The following ZNF804B variants were observed in gnomAD, a reference collection of about 807,000 sequenced individuals.
The protein encoded by ZNF804B is zinc finger 804B.
ZNF804B carries 80 observed loss-of-function variants against 101.4 expected under a neutral mutation model. That is an observed-to-expected ratio of 0.79 (90% CI 0.66 to 0.95). The LOEUF (loss-of-function observed/expected upper bound fraction) is 0.95. ZNF804B is among the 40% of genes least tolerant of loss of function. The probability of loss-of-function intolerance (pLI) is 0.00; values close to 1 mark genes in which losing one functional copy is unlikely to be tolerated. For synonymous variants in ZNF804B, 622 were observed against 558.8 expected (o/e 1.11, Z -1.59); for missense variants, 1,673 against 1,561.9 (o/e 1.07, Z -1.20).
chr7:89,011,479 C>A (rs1788461523), intron 1 of ZNF804B, among the ~76,000 whole-genome samples: 1 of 152,134 alleles, frequency 6.6e-6, no homozygotes, highest in African/African-American at 2.4e-5. Context: ...ACAAGGAAGT[C>A]TTTTCCACCT....
intron 1 of ZNF804B, among the ~76,000 whole-genome samples, chr7:88,964,911 C>G (rs1793433102): frequency 6.6e-6 from 1 of 151,262 alleles, no homozygotes. Context: ...AAAGAATCTA[C>G]CCCTATGATT....
intron 1 of ZNF804B, among the ~76,000 whole-genome samples, chr7:89,033,627 C>A (rs1300923462): frequency 1.3e-5 from 2 of 151,784 alleles, no homozygotes; most frequent in Admixed American, 6.6e-5. Context: ...TAGTTCGTTT[C>A]CCATTGAATG....
At chr7:89,077,901 A>G (rs1299597923) in intron 1 of ZNF804B, among the ~76,000 whole-genome samples, 1 of 152,124 alleles carries the variant, frequency 6.6e-6, no homozygotes, top group East Asian at 1.9e-4. Context: ...TTTTTATCAT[A>G]TGACCTCTAA....
At chr7:89,059,384 C>T (rs1453828518) in intron 1 of ZNF804B, among the ~76,000 whole-genome samples, 1 of 152,072 alleles carries the variant, frequency 6.6e-6, no homozygotes, top group Non-Finnish European at 1.5e-5. Flanking sequence ...AGGAAGCTTA[C>T]AATAATGGTG....
chr7:89,160,350 A>T (rs1402177887), intron 1 of ZNF804B, among the ~76,000 whole-genome samples: 2 of 152,142 alleles, frequency 1.3e-5, no homozygotes, highest in African/African-American at 4.8e-5. Context: ...TGTGGCGATG[A>T]ATAACCGTAT....
chr7:88,982,105 A>G (rs1584052930), intron 1 of ZNF804B, among the ~76,000 whole-genome samples: 1 of 151,912 alleles, frequency 6.6e-6, no homozygotes. Context: ...CATGTCTGCT[A>G]TCTGTGACTT....
At chr7:88,969,096 T>G (rs1329085326) in intron 1 of ZNF804B, among the ~76,000 whole-genome samples, 1 of 151,572 alleles carries the variant, frequency 6.6e-6, no homozygotes. Context: ...CTCTTGGTTT[T>G]ACAGATCAAA....
At chr7:88,986,315 A>G (rs191041683) in intron 1 of ZNF804B, among the ~76,000 whole-genome samples, 29 of 152,214 alleles carry the variant, frequency 1.9e-4, no homozygotes, top group Non-Finnish European at 3.5e-4. Flanking sequence ...ACTTTTAACA[A>G]TTATGAAATT....
rs774653591 is a variant in ZNF804B at position 89,336,840 on chromosome 7, G to C, written c.3858G>C (p.Leu1286=). 1 of 1,613,920 alleles carries C rather than the reference G, an allele frequency of 6.2e-7. No homozygotes were observed. Among genetic ancestry groups the C allele is most frequent in the Non-Finnish European group, 8.5e-7 (1 of 1,179,970 alleles). The stretch of plus-strand genomic sequence containing the variant: ...CATCTCACATAACACTTCAGCCTCT[G>C]CCCCCTACAGCATTTATTCCTACAT... ...FHPSHITLQP[L]PPTAFIPTLF... Residue 1286 remains leucine (L), a synonymous_variant, in exon 4 of 4, where the codon CTG becomes CTC. Coordinates refer to ENST00000333190, the MANE Select transcript of ZNF804B (RefSeq NM_181646.5).
intron 1 of ZNF804B, among the ~76,000 whole-genome samples, chr7:89,209,419 T>C (rs532352018): frequency 2.1e-4 from 32 of 152,326 alleles, no homozygotes; most frequent in African/African-American, 7.7e-4. Context: ...GGCTAATGGA[T>C]AGTTGGTTCA....
At chr7:88,791,696 T>A (rs1338395484) in intron 1 of ZNF804B, among the ~76,000 whole-genome samples, 1 of 152,124 alleles carries the variant, frequency 6.6e-6, no homozygotes, top group Non-Finnish European at 1.5e-5. Context: ...CCAGTAGCTA[T>A]CCAATAAATT....
chr7:88,935,476 G>A (rs974544020), intron 1 of ZNF804B, among the ~76,000 whole-genome samples: 3 of 151,506 alleles, frequency 2.0e-5, no homozygotes, highest in Non-Finnish European at 4.4e-5. Flanking sequence ...TTGAGGGTAG[G>A]AATTTGAGAC....
At chr7:89,200,490 C>A (rs1472360621) in intron 1 of ZNF804B, among the ~76,000 whole-genome samples, 3 of 151,964 alleles carry the variant, frequency 2.0e-5, no homozygotes, top group Non-Finnish European at 4.4e-5. Flanking sequence ...CGACAAACTT[C>A]TTACCAAGGA....
intron 1 of ZNF804B, among the ~76,000 whole-genome samples, chr7:88,763,921 C>T (rs1403446933): frequency 1.3e-5 from 2 of 152,138 alleles, no homozygotes; most frequent in Non-Finnish European, 2.9e-5. Context: ...AGCCAGTCCA[C>T]ATGGGCTGCT....
At chr7:88,867,645 C>T (rs1181696967) in intron 1 of ZNF804B, among the ~76,000 whole-genome samples, 1 of 152,148 alleles carries the variant, frequency 6.6e-6, no homozygotes, top group Non-Finnish European at 1.5e-5. Flanking sequence ...TCCCCTAATC[C>T]AGTCAAGTTG....
chr7:89,335,952 A>G lies in ZNF804B; in HGVS notation c.2970A>G (p.Arg990=). Residue 990 remains arginine, a synonymous_variant, in exon 4 of 4, where the codon AGA becomes AGG. Transcript: ENST00000333190. ...AAATACAGTATGCAAGTGAGAGCAG[A>G]AATGATCAAGACAGTGCAATTCCAA... ...SEKIQYASES[R]NDQDSAIPRT... 1 of 1,614,100 alleles carries G rather than the reference A, an allele frequency of 6.2e-7. No homozygotes were observed. Among genetic ancestry groups the G allele is most frequent in the African/African-American group, 1.3e-5 (1 of 75,048 alleles).
intron 1 of ZNF804B, among the ~76,000 whole-genome samples, chr7:89,171,282 GCTGCTGCTTCTTCTTCTT>G (rs1340187566): frequency 0.057 from 5,444 of 95,330 alleles, 285 homozygotes; most frequent in South Asian, 0.12. Context: ...AAATAATGCT[GCTGCTGCTTCTTCTTCTT>G]CTTCTTCTTC....
chr7:89,236,243 T>C (rs1742299174), intron 2 of ZNF804B, among the ~76,000 whole-genome samples: 1 of 152,250 alleles, frequency 6.6e-6, no homozygotes, highest in African/African-American at 2.4e-5. Context: ...AGCTTCCATA[T>C]GCACGGTAAC....
intron 1 of ZNF804B, among the ~76,000 whole-genome samples, chr7:88,989,765 A>T (rs1310684002): frequency 6.6e-6 from 1 of 152,142 alleles, no homozygotes. Context: ...CTAATTAATG[A>T]CATGGCATCA....
Sources: gnomAD v4.1 joint callset for allele counts (sites outside exome capture counted in the v4.1 genomes callset) on GRCh38, gnomAD v4.1.1 for gene constraint, MANE v1.5 for transcripts, NCBI Gene and HGNC (gene_info 2026-07-23, HGNC 2026-07-21) for gene names.